Variants in SPAG7 observed in about 807,000 individuals in gnomAD.
SPAG7 encodes sperm associated antigen 7, also known as sperm-associated antigen 7.
In SPAG7, 20 loss-of-function variants were observed where a neutral mutation model predicts 30.6. The ratio of observed to expected loss-of-function variants is 0.65; its 90% confidence interval spans 0.46 to 0.95. The LOEUF (loss-of-function observed/expected upper bound fraction) is 0.95, where lower values mean the gene tolerates loss of function less well. SPAG7 is among the 40% of genes least tolerant of loss of function. SPAG7 has a pLI of 0.00. For synonymous variants in SPAG7, 127 were observed against 104.2 expected (o/e 1.22, Z -1.33); for missense variants, 276 against 291.1 (o/e 0.95, Z 0.38).
At chr17:4,963,199 T>C (rs1971893141) in intron 1 of SPAG7, among the ~76,000 whole-genome samples, 1 of 151,926 alleles carries the variant, frequency 6.6e-6, no homozygotes, top group African/African-American at 2.4e-5. Context: ...TCCAGACCAG[T>C]GCAGGCAATA....
rs768531172 is a variant in SPAG7 at position 4,967,701 on chromosome 17, G to T, written c.85+19C>A. 2 of 1,598,888 alleles carry T rather than the reference G, an allele frequency of 1.3e-6. No individual in the cohort carries two copies. Among genetic ancestry groups the T allele is most frequent in the Non-Finnish European group, 1.7e-6 (2 of 1,166,302 alleles). On this transcript the variant is annotated intron_variant, in intron 1 of 6. Coordinates refer to ENST00000206020, the MANE Select transcript of SPAG7 (RefSeq NM_004890.3). Reference sequence around the variant, plus strand: ...GAGAACCGGGCGAAGGAAGGCGGTTGTGAATTTGGGATCCTCACCTCGGGC... The same window carrying T: ...GAGAACCGGGCGAAGGAAGGCGGTTTTGAATTTGGGATCCTCACCTCGGGC...
At chr17:4,965,230 G>A (rs923365983) in intron 1 of SPAG7, among the ~76,000 whole-genome samples, 1 of 151,520 alleles carries the variant, frequency 6.6e-6, no homozygotes. Flanking sequence ...TGTATTTTTC[G>A]TAGAGACGAT....
At chr17:4,966,809 G>C in intron 1 of SPAG7, 1 of 985,510 alleles carries the variant, frequency 1.0e-6, no homozygotes, top group Non-Finnish European at 1.2e-6. Flanking sequence ...GGGACGAAGC[G>C]TAGGCAACCA....
In SPAG7 at chr17:4,960,841, C is replaced by T. The variant is rs369336761; in HGVS notation, c.98G>A (p.Arg33His). 1.3e-4 allele frequency: 215 copies of T among 1,614,054 alleles called. No homozygotes were observed. Among genetic ancestry groups the T allele is most frequent in the Non-Finnish European group, 1.7e-4 (201 of 1,180,006 alleles). The change falls in exon 2 of 7, where the codon CGC (arginine) becomes CAC (histidine). Residue 33 changes from arginine to histidine, a missense_variant. Arg to His is a conservative substitution (Grantham distance 29). Transcript: ENST00000206020. Reference sequence around the variant, plus strand: ...CTCTTGCTCTTGTAGTTTCTTCAGGCGGGCGGCCTGTTCTGGGGGTGAGAA... The same window carrying T: ...CTCTTGCTCTTGTAGTTTCTTCAGGTGGGCGGCCTGTTCTGGGGGTGAGAA... ...TRRKAREQAARLKKLQEQEKQ... is the reference protein window; with the variant it reads ...TRRKAREQAAHLKKLQEQEKQ...
chr17:4,961,758 C>G (rs1182487586), intron 1 of SPAG7, among the ~76,000 whole-genome samples: 1 of 133,054 alleles, frequency 7.5e-6, no homozygotes, highest in African/African-American at 2.9e-5. Flanking sequence ...CAGCAAGACT[C>G]CATCTCAAAA....
At chr17:4,960,416 C>A (rs1971842578) in intron 3 of SPAG7, 43 bp downstream of exon 3, 4 of 1,598,414 alleles carry the variant, frequency 2.5e-6, no homozygotes, top group East Asian at 2.2e-5. Flanking sequence ...TCATGCCCCG[C>A]TAGCCACCCA....
At chr17:4,965,374 C>T (rs1478301428) in intron 1 of SPAG7, among the ~76,000 whole-genome samples, 1 of 152,094 alleles carries the variant, frequency 6.6e-6, no homozygotes, top group Non-Finnish European at 1.5e-5. Flanking sequence ...CCTTTGCACA[C>T]GTTGTTCCTC....
rs754942977 is a variant in SPAG7, at chr17:4,967,759, G to A, written c.46C>T (p.Pro16Ser). The A allele has an allele frequency of 6.2e-7, 1 of 1,614,160 alleles. No individual in the cohort carries two copies. ...GSILSSMEKP[P>S]SLGDQETRRK... ...CGAGTCTCCTGGTCACCGAGGCTGGGTGGCTTCTCCATGGAGCTCAGGATG... is the reference window on the plus strand; with the variant it reads ...CGAGTCTCCTGGTCACCGAGGCTGGATGGCTTCTCCATGGAGCTCAGGATG... Residue 16 changes from proline (P) to serine (S), a missense_variant, in exon 1 of 7, where the codon CCC becomes TCC. Pro to Ser is a moderately conservative substitution (Grantham distance 74, BLOSUM62 -1). Coordinates refer to ENST00000206020, the MANE Select transcript of SPAG7 (RefSeq NM_004890.3).
chr17:4,963,462 T>C (rs1971898296), intron 1 of SPAG7, among the ~76,000 whole-genome samples: 3 of 145,628 alleles, frequency 2.1e-5, no homozygotes, highest in Non-Finnish European at 4.5e-5. Context: ...TTTTTTTTTT[T>C]TTTTTTTTTT....
At position 4,959,751 on chromosome 17, in the gene SPAG7, T is replaced by C. The variant is rs868790681; in HGVS notation, c.574+9A>G. 1 of 1,614,184 alleles carries C rather than the reference T, an allele frequency of 6.2e-7. No homozygotes were observed. The highest frequency in any genetic ancestry group is 1.3e-5 in the African/African-American group (1 of 75,052). On this transcript the variant is annotated intron_variant, in intron 6 of 6. Coordinates refer to ENST00000206020, the MANE Select transcript of SPAG7 (RefSeq NM_004890.3). ...CTCCCAGCCACCCCCAGCCGCACTGTGGCCTCACCACAGCCGTAGGTCTTA... is the reference window on the plus strand; with the variant it reads ...CTCCCAGCCACCCCCAGCCGCACTGCGGCCTCACCACAGCCGTAGGTCTTA...
At chr17:4,963,468 T>C (rs923532898) in intron 1 of SPAG7, among the ~76,000 whole-genome samples, 3 of 147,054 alleles carry the variant, frequency 2.0e-5, no homozygotes, top group Non-Finnish European at 3.0e-5. Context: ...TTTTTTTTTT[T>C]TTTTTTTTGA....
At chr17:4,960,619 T>C in intron 2 of SPAG7, 72 bp from the exon 3 acceptor site, 3 of 1,415,678 alleles carry the variant, frequency 2.1e-6, no homozygotes, top group African/African-American at 1.4e-5. Context: ...TAGCTGAGCC[T>C]GGGCCCTTCT....
intron 1 of SPAG7, among the ~76,000 whole-genome samples, chr17:4,961,624 G>C (rs1971865180): frequency 6.6e-6 from 1 of 150,438 alleles, no homozygotes; most frequent in African/African-American, 2.4e-5. Flanking sequence ...AATTAGCTGG[G>C]TGTGGTGGTG....
intron 2 of SPAG7, 93 bp from the exon 3 acceptor site, chr17:4,960,640 A>G: frequency 7.4e-7 from 1 of 1,351,024 alleles, no homozygotes; most frequent in South Asian, 1.2e-5. Context: ...ACGCCTCCCC[A>G]GCACCCTCCC....
chr17:4,966,553 A>G lies in SPAG7; in HGVS notation c.85+1167T>C, dbSNP rs1971955876. Reference sequence around the variant, plus strand: ...TCCTCCTTTCTCAGAGATTTCAAATAGACTCTTCTGCCTGTAACGCTTTGC... The same window carrying G: ...TCCTCCTTTCTCAGAGATTTCAAATGGACTCTTCTGCCTGTAACGCTTTGC... On this transcript the variant is annotated intron_variant, in intron 1 of 6. Coordinates refer to ENST00000206020, the MANE Select transcript of SPAG7 (RefSeq NM_004890.3). 3.1e-6 allele frequency: 3 copies of G among 979,800 alleles called. No homozygotes were observed. In the Admixed American group the frequency reaches 1.8e-4, roughly 60 times the overall value. The allele number at this position is 979,800 out of a possible 1,614,324, so 60.7% of individuals were successfully genotyped here.
At chr17:4,961,863 C>G (rs1309513343) in intron 1 of SPAG7, among the ~76,000 whole-genome samples, 1 of 151,954 alleles carries the variant, frequency 6.6e-6, no homozygotes, top group Non-Finnish European at 1.5e-5. Context: ...TGCTCTCTCT[C>G]TCTCTCAAAA....
intron 1 of SPAG7, among the ~76,000 whole-genome samples, chr17:4,963,753 A>C (rs970608117): frequency 2.0e-5 from 3 of 152,064 alleles, no homozygotes; most frequent in African/African-American, 4.8e-5. Flanking sequence ...CACCGTGCCC[A>C]GCTGGAAAGG....
chr17:4,964,396 C>T (rs1419091888), intron 1 of SPAG7, among the ~76,000 whole-genome samples: 6 of 130,816 alleles, frequency 4.6e-5, no homozygotes, highest in Non-Finnish European at 9.2e-5. Flanking sequence ...GAGTCTCGCT[C>T]TGTCGCCCAG....
chr17:4,967,325 G>T, intron 1 of SPAG7: 1 of 676,796 alleles, frequency 1.5e-6, no homozygotes, highest in Non-Finnish European at 1.9e-6. Context: ...AGTTGAGATA[G>T]CCAATAGAGA....
Sources: allele counts gnomAD v4.1 joint callset (sites outside exome capture counted in the v4.1 genomes callset), GRCh38; gene constraint gnomAD v4.1.1; transcripts MANE v1.5; gene names NCBI Gene and HGNC (gene_info 2026-07-23, HGNC 2026-07-21).